SVOP: variants seen among roughly 807,000 people sequenced by gnomAD.
The protein encoded by SVOP is synaptic vesicle 2-related protein.
SVOP carries 17 observed loss-of-function variants against 69.1 expected under a neutral mutation model. The observed-to-expected ratio is 0.25, with a 90% CI of 0.17 to 0.37. SVOP has a LOEUF of 0.37. SVOP is among the 10% of genes least tolerant of loss of function. The pLI is 1.00. For missense variants in SVOP, 435 were observed against 597.5 expected (o/e 0.73, Z 2.84); for synonymous variants, 238 against 238.6 (o/e 1.00, Z 0.02).
At chr12:108,932,190 A>C (rs2039824523) in intron 11 of SVOP, among the ~76,000 whole-genome samples, 1 of 151,504 alleles carries the variant, frequency 6.6e-6, no homozygotes, top group South Asian at 2.1e-4. Context: ...TAATTTTTTA[A>C]ATTTTTTGTA....
intron 1 of SVOP, among the ~76,000 whole-genome samples, chr12:108,986,864 A>G (rs36179936): frequency 0.89 from 135,198 of 152,080 alleles, 61,244 homozygotes; most frequent in Non-Finnish European, 0.99. Flanking sequence ...CCCACTGGAT[A>G]AGACAAACAC....
chr12:108,976,109 A>G (rs2040105108), intron 4 of SVOP, among the ~76,000 whole-genome samples: 1 of 152,130 alleles, frequency 6.6e-6, no homozygotes, highest in Admixed American at 6.5e-5. Flanking sequence ...AACAAAATAC[A>G]CAGAAAAACA....
chr12:108,980,613 G>A (rs1016396257), intron 2 of SVOP, among the ~76,000 whole-genome samples: 3 of 136,132 alleles, frequency 2.2e-5, no homozygotes, highest in African/African-American at 5.9e-5. Context: ...AGCTGGGCGC[G>A]GTGGCGGGCG....
chr12:109,009,570 G>A (rs1365416932), intron 1 of SVOP, among the ~76,000 whole-genome samples: 3 of 151,788 alleles, frequency 2.0e-5, no homozygotes, highest in Non-Finnish European at 1.5e-5. Flanking sequence ...CCGCCACCAC[G>A]CCCAGCTAAT....
chr12:108,963,140 G>A (rs921336618), intron 5 of SVOP, among the ~76,000 whole-genome samples: 4 of 152,158 alleles, frequency 2.6e-5, no homozygotes, highest in Non-Finnish European at 5.9e-5. Context: ...AACCTGCTCT[G>A]TGAGGTCTGG....
chr12:109,009,866 T>C (rs911098305), intron 1 of SVOP, among the ~76,000 whole-genome samples: 1 of 152,084 alleles, frequency 6.6e-6, no homozygotes, highest in East Asian at 1.9e-4. Flanking sequence ...CTACAATGCA[T>C]AGGACAGCCC....
intron 8 of SVOP, among the ~76,000 whole-genome samples, chr12:108,939,229 T>C (rs1463710253): frequency 1.3e-5 from 2 of 152,236 alleles, no homozygotes; most frequent in Non-Finnish European, 2.9e-5. Context: ...AACAGGATAA[T>C]ACAGGCAAGG....
Position 108,977,448 on chromosome 12 carries a change from G to A in SVOP, c.331C>T (p.Leu111=). 1 of 1,537,240 alleles carries A rather than the reference G, an allele frequency of 6.5e-7. No individual in the cohort carries two copies. Among genetic ancestry groups the A allele is most frequent in the East Asian group, 2.4e-5 (1 of 40,920 alleles). Residue 111 remains leucine, a synonymous_variant, in exon 4 of 16, where the codon CTG becomes TTG. Transcript: ENST00000610966. The part of the protein sequence containing the change: ...MMILSILAPQ[L]HCEWRLPSWQ... ...CTTGGGAGCCTCCACTCGCAATGCA[G>A]CTGTGGTGCCAGGATGCTGAGGATC...
chr12:108,929,968 C>G (rs576501265), intron 11 of SVOP, among the ~76,000 whole-genome samples: 1 of 136,156 alleles, frequency 7.3e-6, no homozygotes, highest in East Asian at 2.4e-4. Flanking sequence ...TGGGCTTGTT[C>G]TACAGTTTTA....
chr12:108,948,427 G>C (rs753079901), intron 6 of SVOP, among the ~76,000 whole-genome samples: 1 of 152,136 alleles, frequency 6.6e-6, no homozygotes, highest in African/African-American at 2.4e-5. Context: ...ATCAGTAAAA[G>C]TCCTACCACC....
intron 6 of SVOP, among the ~76,000 whole-genome samples, chr12:108,945,633 C>T (rs1205407686): frequency 6.6e-6 from 1 of 151,914 alleles, no homozygotes; most frequent in African/African-American, 2.4e-5. Flanking sequence ...GCGATCCTCC[C>T]ACCTCAGCCT....
chr12:108,942,319 T>A (rs1453731575), intron 7 of SVOP, among the ~76,000 whole-genome samples: 2 of 152,204 alleles, frequency 1.3e-5, no homozygotes, highest in African/African-American at 4.8e-5. Context: ...TTGTACAAAA[T>A]GGACACATTG....
intron 6 of SVOP, among the ~76,000 whole-genome samples, chr12:108,956,727 A>T (rs2039987745): frequency 1.3e-5 from 2 of 152,182 alleles, no homozygotes; most frequent in South Asian, 4.1e-4. Context: ...AGGATCCATC[A>T]TAACATTGCA....
In SVOP at chr12:108,916,178, T is replaced by C. The variant is rs78007081; in HGVS notation, c.1351-306A>G. Among the ~76,000 whole-genome samples the C allele has an allele frequency of 6.3e-3, 966 of 152,358 alleles. 14 individuals are homozygous for C. Among genetic ancestry groups the C allele is most frequent in the African/African-American group, 0.022 (919 of 41,578 alleles). On this transcript the variant is annotated intron_variant, in intron 14 of 15. Coordinates refer to ENST00000610966, the MANE Select transcript of SVOP (RefSeq NM_018711.5). ...CAAGTTCACAACTCAGGGGTTGCTC[T>C]CTACCTTCTTCTCATGCGTTCACCT...
chr12:108,939,055 G>A (rs2039873533), intron 8 of SVOP, 100 bp from the exon 9 acceptor site: 4 of 1,538,542 alleles, frequency 2.6e-6, no homozygotes, highest in Non-Finnish European at 3.5e-6. Context: ...CTTTAAGAGT[G>A]GGGGCTCTGG....
At chr12:109,016,473 G>T (rs78935403) in intron 1 of SVOP, among the ~76,000 whole-genome samples, 4,096 of 152,186 alleles carry the variant, frequency 0.027, 177 homozygotes, top group African/African-American at 0.094. Context: ...GACCCTGGAT[G>T]GCCTACTCCC....
chr12:108,959,862 G>A (rs568704236), intron 6 of SVOP, among the ~76,000 whole-genome samples: 2 of 152,188 alleles, frequency 1.3e-5, no homozygotes, highest in Admixed American at 1.3e-4. Context: ...CCAGGCACTG[G>A]GGTTAGAAGG....
chr12:108,985,932 T>C lies in SVOP; in HGVS notation c.36-2171A>G, dbSNP rs901592230. Among the ~76,000 whole-genome samples the C allele has an allele frequency of 3.3e-5, 5 of 152,222 alleles. No individual in the cohort carries two copies. In the South Asian group the frequency reaches 1.0e-3, roughly 31 times the overall value. Reference sequence around the variant, plus strand: ...GGAACATAACCTGCTTGTGAAGTTCTAGAAGAGAAAAGACAGATTAAATCA... The same window carrying C: ...GGAACATAACCTGCTTGTGAAGTTCCAGAAGAGAAAAGACAGATTAAATCA... On this transcript the variant is annotated intron_variant, in intron 1 of 15. Transcript: ENST00000610966.
chr12:108,969,471 G>C (rs556573272), intron 5 of SVOP, among the ~76,000 whole-genome samples: 2 of 151,086 alleles, frequency 1.3e-5, no homozygotes, highest in African/African-American at 4.9e-5. Context: ...TAGCTTACAG[G>C]CATGCGCCAC....
Sources: allele counts gnomAD v4.1 joint callset (sites outside exome capture counted in the v4.1 genomes callset), GRCh38; gene constraint gnomAD v4.1.1; transcripts MANE v1.5; gene names NCBI Gene and HGNC (gene_info 2026-07-23, HGNC 2026-07-21).